Variants in ZNF592 observed in about 807,000 individuals in gnomAD.
ZNF592 encodes the protein spinocerebellar ataxia, autosomal recessive 5.
Under a neutral mutation model 80.3 loss-of-function variants are expected in ZNF592, and 11 were observed. The ratio of observed to expected loss-of-function variants is 0.14; its 90% CI spans 0.09 to 0.23. The LOEUF (loss-of-function observed/expected upper bound fraction) is 0.23, where lower values mean the gene tolerates loss of function less well. Ranked by LOEUF, ZNF592 falls within the 10% of genes least tolerant of loss-of-function variation. The pLI, the probability that ZNF592 is intolerant of heterozygous loss-of-function variation, is 1.00. For synonymous variants in ZNF592, 646 were observed against 640.3 expected (o/e 1.01, Z -0.13); for missense variants, 1,420 against 1,633.9 (o/e 0.87, Z 2.26).
chr15:84,772,746 T>C (rs1302365664), intron 2 of ZNF592, among the ~76,000 whole-genome samples: 5 of 152,214 alleles, frequency 3.3e-5, no homozygotes, highest in African/African-American at 7.2e-5. Context: ...ACTTTTTTTT[T>C]TCTCTCTCAC....
At chr15:84,772,267 T>C (rs1345354714) in intron 2 of ZNF592, among the ~76,000 whole-genome samples, 1 of 152,062 alleles carries the variant, frequency 6.6e-6, no homozygotes, top group African/African-American at 2.4e-5. Context: ...CCTGCTTGAG[T>C]TCAGGCGAGG....
intron 1 of ZNF592, among the ~76,000 whole-genome samples, chr15:84,761,692 G>A (rs1386569149): frequency 6.6e-6 from 1 of 152,166 alleles, no homozygotes; most frequent in South Asian, 2.1e-4. Flanking sequence ...GTAATCCCAG[G>A]AGAGGAGCCT....
chr15:84,763,413 G>A (rs1899408481), intron 1 of ZNF592, among the ~76,000 whole-genome samples: 1 of 152,138 alleles, frequency 6.6e-6, no homozygotes, highest in South Asian at 2.1e-4. Flanking sequence ...AGGAACCAAG[G>A]TTAATCTGGA....
At chr15:84,791,004 G>A (rs112365645) in intron 5 of ZNF592, 121 bp downstream of exon 5, 70 of 1,119,414 alleles carry the variant, frequency 6.3e-5, no homozygotes, top group African/African-American at 5.8e-4. Context: ...CACAGGACAA[G>A]AGCATTGGAT....
chr15:84,794,410 T>G (rs184623655), intron 5 of ZNF592, among the ~76,000 whole-genome samples: 26 of 152,292 alleles, frequency 1.7e-4, no homozygotes, highest in African/African-American at 5.8e-4. Context: ...GTAACCATCC[T>G]TATGGGTGTG....
At chr15:84,769,388 G>A (rs560250606) in intron 2 of ZNF592, among the ~76,000 whole-genome samples, 16 of 152,160 alleles carry the variant, frequency 1.1e-4, no homozygotes, top group Non-Finnish European at 2.1e-4. Context: ...GATAAAGATT[G>A]ATGGTTGGGT....
chr15:84,780,813 T>C (rs1962398422), intron 3 of ZNF592, among the ~76,000 whole-genome samples: 1 of 152,112 alleles, frequency 6.6e-6, no homozygotes, highest in African/African-American at 2.4e-5. Context: ...CCTTTAAAAA[T>C]TATAAAAGCA....
rs977453379 is a variant in ZNF592 at position 84,778,240 on chromosome 15, C to A, written c.-92C>A. ...AGAAGACAGAAGGAAGACGCTCCCC[C>A]GTACGGAGACAGAGGGAGGGGGGGC... On this transcript the variant is annotated 5_prime_UTR_variant, in exon 3 of 11. Transcript: ENST00000560079. The A allele has an allele frequency of 1.2e-5, 3 of 246,708 alleles. No homozygotes were observed. The highest frequency in any genetic ancestry group is 2.4e-5 in the Non-Finnish European group (3 of 125,840). 15.3% of individuals were successfully genotyped at this position (246,708 alleles called of 1,614,324 possible).
Position 84,784,558 on chromosome 15 carries a change from A to G in ZNF592, c.1883A>G (p.Asn628Ser). 2 of 1,614,208 alleles carry G rather than the reference A, an allele frequency of 1.2e-6. No homozygotes were observed. The highest frequency in any genetic ancestry group is 1.1e-5 in the South Asian group (1 of 91,086). ...TGCTCCAAGACGCTGCTCTTCTTCA[A>G]CAAGTGCAGCCTGCTCCGGCACGCC... ...TLCSKTLLFF[N>S]KCSLLRHARD... The change falls in exon 4 of 11, where the codon AAC becomes AGC. Residue 628 changes from asparagine to serine, a missense_variant. Asn to Ser is a conservative substitution (Grantham distance 46, BLOSUM62 1). Transcript: ENST00000560079. This position sits in a 1 kb window ranked among gnomAD's most constrained non-coding sequence, Gnocchi z 5.8.
chr15:84,752,644 C>T (rs535161501), intron 1 of ZNF592, among the ~76,000 whole-genome samples: 2 of 152,308 alleles, frequency 1.3e-5, no homozygotes, highest in African/African-American at 4.8e-5. Flanking sequence ...ATTCTGTAAG[C>T]CATGGGGAGC....
At chr15:84,768,263 C>T (rs1402095912) in intron 2 of ZNF592, among the ~76,000 whole-genome samples, 1 of 128,800 alleles carries the variant, frequency 7.8e-6, no homozygotes, top group South Asian at 2.4e-4. Context: ...GACAGTTGTG[C>T]TCTGTCGCCC....
chr15:84,751,919 C>T (rs1486404771), intron 1 of ZNF592, among the ~76,000 whole-genome samples: 2 of 151,822 alleles, frequency 1.3e-5, no homozygotes, highest in East Asian at 1.9e-4. Context: ...AACAAACAAA[C>T]GAAAACAACA....
chr15:84,767,610 A>G (rs1020902918), intron 2 of ZNF592, among the ~76,000 whole-genome samples: 1 of 152,086 alleles, frequency 6.6e-6, no homozygotes, highest in East Asian at 1.9e-4. Context: ...ACGGGTTACA[A>G]AGTATCAGTT....
chr15:84,760,632 C>T (rs199943128), intron 1 of ZNF592, among the ~76,000 whole-genome samples: 1 of 152,068 alleles, frequency 6.6e-6, no homozygotes, highest in Non-Finnish European at 1.5e-5. Context: ...GCGTGCATGT[C>T]TGCGGTGTGT....
At chr15:84,796,705 T>C (rs1335840348) in intron 5 of ZNF592, among the ~76,000 whole-genome samples, 2 of 149,858 alleles carry the variant, frequency 1.3e-5, no homozygotes, top group East Asian at 4.2e-4. Flanking sequence ...ATTTATGCAT[T>C]GTAAAAAAAA....
chr15:84,797,434 G>A (rs954414855), intron 5 of ZNF592, among the ~76,000 whole-genome samples: 5 of 152,212 alleles, frequency 3.3e-5, no homozygotes, highest in African/African-American at 1.2e-4. Flanking sequence ...ATACCAGCCT[G>A]TGGGAAGGCA....
intron 2 of ZNF592, among the ~76,000 whole-genome samples, chr15:84,774,519 T>G (rs1367304550): frequency 6.6e-6 from 1 of 152,238 alleles, no homozygotes; most frequent in Admixed American, 6.5e-5. Context: ...TCTAGGTAAT[T>G]TATGAAAGCA....
In ZNF592 at chr15:84,783,800, G is replaced by A; in HGVS notation, c.1125G>A (p.Val375=). Residue 375 remains valine (V), a synonymous_variant, in exon 4 of 11, where the codon GTG becomes GTA. Coordinates refer to ENST00000560079, the MANE Select transcript of ZNF592 (RefSeq NM_014630.3). This position sits in a 1 kb window ranked among gnomAD's most constrained non-coding sequence, Gnocchi z 5.0. Reference sequence around the variant, plus strand: ...GCTCCCCACCAGCAATTCCCAAAGTGAGAATCAAAACCATTAAGACATCAT... The same window carrying A: ...GCTCCCCACCAGCAATTCCCAAAGTAAGAATCAAAACCATTAAGACATCAT... ...AASSPPAIPK[V]RIKTIKTSSG... is the part of the protein sequence containing the mutation. 1.2e-6 allele frequency: 2 copies of A among 1,614,208 alleles called. No individual in the cohort carries two copies. Among genetic ancestry groups the A allele is most frequent in the Non-Finnish European group, 1.7e-6 (2 of 1,180,036 alleles).
At chr15:84,785,110 C>T (rs1266213574) in intron 4 of ZNF592, among the ~76,000 whole-genome samples, 2 of 152,226 alleles carry the variant, frequency 1.3e-5, no homozygotes, top group South Asian at 2.1e-4. Context: ...AGTGTATTTA[C>T]GGACGTGTCC....
Sources: gnomAD v4.1 joint callset for allele counts (sites outside exome capture counted in the v4.1 genomes callset) on GRCh38, gnomAD v4.1.1 for gene constraint, Gnocchi (gnomAD v3.1) non-coding constraint, MANE v1.5 for transcripts, NCBI Gene and HGNC (gene_info 2026-07-23, HGNC 2026-07-21) for gene names.